SEZ6: variants seen among roughly 807,000 people sequenced by gnomAD.
SEZ6 encodes the protein seizure protein 6 homolog.
In SEZ6, 53 loss-of-function variants were observed where a neutral mutation model predicts 101.0. The ratio of observed to expected loss-of-function variants is 0.52; its 90% CI spans 0.42 to 0.66. The LOEUF (loss-of-function observed/expected upper bound fraction) is 0.66, where lower values mean the gene tolerates loss of function less well. SEZ6 is among the 30% of genes least tolerant of loss of function. The probability of loss-of-function intolerance (pLI) is 0.00; values close to 1 mark genes in which losing one functional copy is unlikely to be tolerated. For missense variants in SEZ6, 1,102 were observed against 1,289.4 expected (o/e 0.85, Z 2.23); for synonymous variants, 488 against 512.2 (o/e 0.95, Z 0.64).
intron 3 of SEZ6, among the ~76,000 whole-genome samples, chr17:28,975,158 G>A (rs527807225): frequency 2.6e-5 from 4 of 152,336 alleles, no homozygotes; most frequent in Middle Eastern, 3.4e-3. Context: ...AATGATAGCC[G>A]GCTATGAACT....
chr17:28,956,242 G>A lies in SEZ6; in HGVS notation c.2869C>T (p.Leu957=), dbSNP rs1424609714. The A allele has an allele frequency of 6.3e-7, 1 of 1,599,616 alleles. No homozygotes were observed. Among genetic ancestry groups the A allele is most frequent in the Non-Finnish European group, 8.5e-7 (1 of 1,173,550 alleles). ...CGGGGGCGGGGGCGGGGCAGCTGCAGGGAGCTTTTTCCCTGGAGCCTGTGG... is the reference window on the plus strand; with the variant it reads ...CGGGGGCGGGGGCGGGGCAGCTGCAAGGAGCTTTTTCCCTGGAGCCTGTGG... ...YFSRLQGKSS[L]QLPRPRPRPY... is the part of the protein sequence containing the mutation. Residue 957 remains leucine (L), a synonymous_variant, in exon 16 of 17, where the codon CTG becomes TTG. Transcript: ENST00000317338.
rs1419329880 is a variant in SEZ6, at chr17:28,964,068, A to G, written c.1134T>C (p.Ser378=). 3 of 1,609,084 alleles carry G rather than the reference A, an allele frequency of 1.9e-6. No individual in the cohort carries two copies. The highest frequency in any genetic ancestry group is 2.5e-6 in the Non-Finnish European group (3 of 1,177,780). The part of the protein sequence containing the change: ...VTVTSLHPGG[S]ARFHCATGYQ... ...AGCCAGTGGCACAATGGAAGCGGGC[A>G]CTACCCCCTGGGTGGAGGCTGGTGA... The change falls in exon 5 of 17, where the codon AGT becomes AGC. Residue 378 remains serine (S), a synonymous_variant. Coordinates refer to ENST00000317338, the MANE Select transcript of SEZ6 (RefSeq NM_178860.5).
chr17:28,993,897 C>T (rs951245531), intron 1 of SEZ6, among the ~76,000 whole-genome samples: 1 of 152,228 alleles, frequency 6.6e-6, no homozygotes, highest in African/African-American at 2.4e-5. Context: ...GCCTCTGTGG[C>T]CTTTGGGTTA....
chr17:28,960,672 C>T lies in SEZ6; in HGVS notation c.1410-1G>A. On this transcript the variant is annotated splice_acceptor_variant, in intron 6 of 16. Coordinates refer to ENST00000317338, the MANE Select transcript of SEZ6 (RefSeq NM_178860.5). LOFTEE classifies it high-confidence loss of function. ...GTTGTCCCCATTGCGAATGATGAGC[C>T]TGAACCAGGAGAGTGGCAGCTATGT... 5 of 1,609,388 alleles carry T rather than the reference C, an allele frequency of 3.1e-6. No individual in the cohort carries two copies. Among genetic ancestry groups the T allele is most frequent in the Non-Finnish European group, 4.2e-6 (5 of 1,177,812 alleles).
Position 28,981,486 on chromosome 17 carries a change from G to T in SEZ6, c.609C>A (p.Gly203=), listed in dbSNP as rs766328484. 16 of 1,595,882 alleles carry T rather than the reference G, an allele frequency of 1.0e-5. No homozygotes were observed. In the South Asian group the frequency reaches 1.5e-4, roughly 15 times the overall value. Residue 203 remains glycine (G), a synonymous_variant, in exon 2 of 17, where the codon GGC becomes GGA. Transcript: ENST00000317338. ...TGGTCCCCTGGATCCCGATCCCTGC[G>T]CCCTGGGACACAACCTCTGCAACCC... The part of the protein sequence containing the change: ...RPWVAEVVSQ[G]AGIGIQGTIT...
At chr17:28,965,037 C>T (rs1314564323) in intron 4 of SEZ6, among the ~76,000 whole-genome samples, 3 of 146,266 alleles carry the variant, frequency 2.1e-5, no homozygotes, top group Non-Finnish European at 3.0e-5. Context: ...GCTTGGGCAA[C>T]GAGAGCAAAA....
At chr17:28,962,952 A>G (rs1353103536) in intron 5 of SEZ6, among the ~76,000 whole-genome samples, 3 of 151,788 alleles carry the variant, frequency 2.0e-5, no homozygotes, top group African/African-American at 7.3e-5. Flanking sequence ...GTGAAACCCC[A>G]TCTCTACTAA....
Position 28,979,642 on chromosome 17 carries a change from C to T in SEZ6, c.858+38G>A, listed in dbSNP as rs370988531. On this transcript the variant is annotated intron_variant, in intron 3 of 16. Transcript: ENST00000317338. ...CCTCTCTGAAGAAAGAGAATACACC[C>T]GCCCCAGCTTTGCCCTTGCCAGATC... The T allele has an allele frequency of 1.1e-5, 18 of 1,613,340 alleles. 1 individual carries two copies. The highest frequency in any genetic ancestry group is 8.9e-5 in the East Asian group (4 of 44,872).
Position 28,960,554 on chromosome 17 carries a change from G to A in SEZ6, c.1527C>T (p.Leu509=), listed in dbSNP as rs2040961425. 5 of 1,593,600 alleles carry A rather than the reference G, an allele frequency of 3.1e-6. No individual in the cohort carries two copies. The African/African-American group carries it at 6.7e-5, about 21-fold the overall frequency. The part of the protein sequence containing the change: ...LSSGKHFFVE[L]STDSSGAAAG... ...CAGCTGCCCCGCTGCTGTCAGTACT[G>A]AGCTCAACAAAGAAGTGTTTGCCAG... Residue 509 remains leucine (L), a synonymous_variant, in exon 7 of 17, where the codon CTC becomes CTT. Coordinates refer to ENST00000317338, the MANE Select transcript of SEZ6 (RefSeq NM_178860.5).
chr17:29,005,745 G>A lies in SEZ6; in HGVS notation c.55+70C>T, dbSNP rs2041680219. 3.5e-6 allele frequency: 5 copies of A among 1,418,356 alleles called. No individual in the cohort carries two copies. The highest frequency in any genetic ancestry group is 3.1e-5 in the East Asian group (1 of 31,836). 87.9% of individuals were successfully genotyped at this position (1,418,356 alleles called of 1,614,324 possible). ...AGCCAGATGCCCGAAGCTGGGCACC[G>A]GGTCTCCCTTCCCACCCCTGGGGCC... On this transcript the variant is annotated intron_variant, in intron 1 of 16. Transcript: ENST00000317338. The surrounding 1 kb of genome is among the most constrained non-coding windows in gnomAD (Gnocchi z 4.8).
At chr17:28,960,433 TGG>T (rs1329874706) in intron 7 of SEZ6, 70 bp downstream of exon 7, 9 of 1,533,056 alleles carry the variant, frequency 5.9e-6, no homozygotes, top group Non-Finnish European at 7.0e-6. Context: ...GGGTAGGGTG[TGG>T]GAGAAAGACC....
Position 28,981,603 on chromosome 17 carries a change from G to A in SEZ6, c.492C>T (p.Pro164=), listed in dbSNP as rs2041305439. ...PLPPGPSMAV[P]TLGPGEIAST... is the part of the protein sequence containing the mutation. The stretch of plus-strand genomic sequence containing the variant: ...TGGCTATCTCCCCTGGGCCTAGGGT[G>A]GGCACTGCCATGCTGGGCCCTGGAG... Residue 164 remains proline (P), a synonymous_variant, in exon 2 of 17, where the codon CCC becomes CCT. Coordinates refer to ENST00000317338, the MANE Select transcript of SEZ6 (RefSeq NM_178860.5). The A allele has an allele frequency of 1.9e-6, 3 of 1,601,764 alleles. No individual in the cohort carries two copies. The East Asian group carries it at 6.7e-5, about 36-fold the overall frequency.
intron 1 of SEZ6, among the ~76,000 whole-genome samples, chr17:29,004,920 A>G (rs77881070): frequency 0.037 from 5,688 of 152,104 alleles, 342 homozygotes; most frequent in African/African-American, 0.13. Context: ...CCCTCTACCC[A>G]AGACCGACGA....
Position 28,959,966 on chromosome 17 carries a change from C to T in SEZ6, c.1577-74G>A. 1.4e-6 allele frequency: 2 copies of T among 1,474,852 alleles called. No individual in the cohort carries two copies. The highest frequency in any genetic ancestry group is 9.2e-7 in the Non-Finnish European group (1 of 1,086,944). 91.4% of individuals were successfully genotyped at this position (1,474,852 alleles called of 1,614,324 possible). On this transcript the variant is annotated intron_variant, in intron 7 of 16. Coordinates refer to ENST00000317338, the MANE Select transcript of SEZ6 (RefSeq NM_178860.5). This position sits in a 1 kb window ranked among gnomAD's most constrained non-coding sequence, Gnocchi z 4.4. Reference sequence around the variant, plus strand: ...ACAGTGGGCAAGCATCCCCCTACTTCCCTCCCCAGAGCCTTTCTTTTCCTG... The same window carrying T: ...ACAGTGGGCAAGCATCCCCCTACTTTCCTCCCCAGAGCCTTTCTTTTCCTG...
chr17:28,961,980 A>C (rs1191616486), intron 5 of SEZ6, among the ~76,000 whole-genome samples: 1 of 152,134 alleles, frequency 6.6e-6, no homozygotes, highest in Non-Finnish European at 1.5e-5. Flanking sequence ...TGGTCTCAGA[A>C]TGGAACTGCC....
intron 4 of SEZ6, among the ~76,000 whole-genome samples, chr17:28,967,826 A>G (rs2152685813): frequency 6.6e-6 from 1 of 152,314 alleles, no homozygotes; most frequent in South Asian, 2.1e-4. Context: ...CATAGTAGTT[A>G]AAGTATCACT....
At chr17:29,004,182 A>G (rs1048347464) in intron 1 of SEZ6, among the ~76,000 whole-genome samples, 1 of 152,154 alleles carries the variant, frequency 6.6e-6, no homozygotes, top group Admixed American at 6.5e-5. Context: ...CAGGGCCCTG[A>G]TTACTCTCAC....
chr17:28,966,092 G>A (rs2041062058), intron 4 of SEZ6, among the ~76,000 whole-genome samples: 1 of 150,994 alleles, frequency 6.6e-6, no homozygotes, highest in Non-Finnish European at 1.5e-5. Flanking sequence ...GCAGTGAGTC[G>A]ATATCATGCC....
Position 28,957,423 on chromosome 17 carries a change from C to T in SEZ6, c.2419G>A (p.Gly807Ser), listed in dbSNP as rs1270679226. 2 of 1,613,658 alleles carry T rather than the reference C, an allele frequency of 1.2e-6. No homozygotes were observed. Among genetic ancestry groups the T allele is most frequent in the Non-Finnish European group, 1.7e-6 (2 of 1,179,732 alleles). ...TCATGGCAGGTGAGGATGGAGCTGC[C>T]CATCAGCACAAAACCCTGGTCACAG... ...YICDQGFVLM[G>S]SSILTCHDRQ... The change falls in exon 12 of 17, where the codon GGC (glycine) becomes AGC (serine). Residue 807 changes from glycine (G) to serine (S), a missense_variant. Coordinates refer to ENST00000317338, the MANE Select transcript of SEZ6 (RefSeq NM_178860.5).
Sources: allele counts gnomAD v4.1 joint callset (sites outside exome capture counted in the v4.1 genomes callset), GRCh38; gene constraint gnomAD v4.1.1; non-coding constraint Gnocchi (gnomAD v3.1); transcripts MANE v1.5; gene names NCBI Gene and HGNC (gene_info 2026-07-23, HGNC 2026-07-21).